The following ATP2B1 variants were observed in gnomAD, a reference collection of about 807,000 sequenced individuals.
ATP2B1 encodes the protein plasma membrane calcium-transporting ATPase 1.
A neutral mutation model predicts 124.2 loss-of-function variants in ATP2B1; 14 were observed. That is an observed-to-expected ratio of 0.11 (90% CI 0.07 to 0.18). The LOEUF (loss-of-function observed/expected upper bound fraction) is 0.18, where lower values mean the gene tolerates loss of function less well. Ranked by LOEUF, ATP2B1 falls within the 10% of genes least tolerant of loss-of-function variation. The pLI is 1.00. For missense variants in ATP2B1, 763 were observed against 1,466.1 expected (o/e 0.52, Z 7.83); for synonymous variants, 449 against 492.4 (o/e 0.91, Z 1.17).
chr12:89,658,643 G>GAGAGAGAGAGAGAGAGAGAGAT (rs1886294800), intron 1 of ATP2B1, among the ~76,000 whole-genome samples: 1 of 142,790 alleles, frequency 7.0e-6, no homozygotes, highest in East Asian at 1.9e-4. Flanking sequence ...GAGAGAGAGA[G>GAGAGAGAGAGAGAGAGAGAGAT]AGAGATAGAG....
At chr12:89,635,589 C>T (rs1360414879) in intron 3 of ATP2B1, among the ~76,000 whole-genome samples, 1 of 152,100 alleles carries the variant, frequency 6.6e-6, no homozygotes, top group East Asian at 1.9e-4. Context: ...ACCAGCTATT[C>T]CAGAGTTATT....
intron 5 of ATP2B1, among the ~76,000 whole-genome samples, chr12:89,633,479 GAT>G (rs1882215890): frequency 4.9e-5 from 1 of 20,456 alleles, no homozygotes; most frequent in African/African-American, 1.4e-4. Context: ...CACATCTCAA[GAT>G]TTTTTTTTTT....
intron 1 of ATP2B1, among the ~76,000 whole-genome samples, chr12:89,684,759 G>T (rs149573634): frequency 6.6e-6 from 1 of 152,034 alleles, no homozygotes; most frequent in Non-Finnish European, 1.5e-5. Context: ...ATTGGACAGC[G>T]GAGAGAAACT....
intron 8 of ATP2B1, among the ~76,000 whole-genome samples, chr12:89,625,931 C>T (rs1389808966): frequency 2.6e-5 from 4 of 152,194 alleles, no homozygotes; most frequent in African/African-American, 9.6e-5. Flanking sequence ...CGCTGGAGGT[C>T]ATGCTGTTTC....
chr12:89,620,963 C>T (rs1879860711), intron 10 of ATP2B1, among the ~76,000 whole-genome samples: 1 of 152,110 alleles, frequency 6.6e-6, no homozygotes, highest in Admixed American at 6.5e-5. Flanking sequence ...CCATAAATCA[C>T]TAGAAGAGAT....
intron 5 of ATP2B1, among the ~76,000 whole-genome samples, chr12:89,633,292 T>C (rs939436194): frequency 6.6e-6 from 1 of 151,924 alleles, no homozygotes; most frequent in African/African-American, 2.4e-5. Flanking sequence ...TGTTCTTTTT[T>C]CTTTTTTTTA....
At chr12:89,662,778 C>G (rs972252848) in intron 1 of ATP2B1, among the ~76,000 whole-genome samples, 1 of 151,928 alleles carries the variant, frequency 6.6e-6, no homozygotes, top group African/African-American at 2.4e-5. Context: ...TCCTACTCCC[C>G]TAAGTAACTT....
At chr12:89,627,396 CAAA>C (rs59737003) in intron 7 of ATP2B1, among the ~76,000 whole-genome samples, 5 of 91,266 alleles carry the variant, frequency 5.5e-5, no homozygotes, top group Non-Finnish European at 4.9e-5. Flanking sequence ...TTCCAAAATC[CAAA>C]AAAAAAAAAA....
At chr12:89,655,018 T>C (rs1476530341) in intron 2 of ATP2B1, among the ~76,000 whole-genome samples, 2 of 152,170 alleles carry the variant, frequency 1.3e-5, no homozygotes, top group East Asian at 3.8e-4. Context: ...AAGACCATAA[T>C]GCCAGAAAGT....
intron 5 of ATP2B1, among the ~76,000 whole-genome samples, chr12:89,631,996 G>C (rs1037116182): frequency 6.6e-6 from 1 of 152,128 alleles, no homozygotes; most frequent in African/African-American, 2.4e-5. Context: ...AGGATAAAGA[G>C]TATATTCTTC....
At chr12:89,679,311 T>A (rs935586984) in intron 1 of ATP2B1, among the ~76,000 whole-genome samples, 8 of 152,172 alleles carry the variant, frequency 5.3e-5, no homozygotes, top group African/African-American at 1.7e-4. Context: ...TCTGACCCTT[T>A]ACAAAAATAT....
chr12:89,591,332 A>T (rs781599299), intron 20 of ATP2B1, 37 bp from the exon 21 acceptor site: 1 of 1,523,452 alleles, frequency 6.6e-7, no homozygotes, highest in Non-Finnish European at 8.9e-7. Context: ...ATGTCAGTAC[A>T]CTATTAACAA....
chr12:89,652,546 A>G (rs912591062), intron 2 of ATP2B1, among the ~76,000 whole-genome samples: 1 of 152,230 alleles, frequency 6.6e-6, no homozygotes, highest in Non-Finnish European at 1.5e-5. Flanking sequence ...TATTCTAACG[A>G]AAGAGTACTT....
In ATP2B1 at chr12:89,603,199, A is replaced by C; in HGVS notation, c.2904T>G (p.Pro968=). 6.2e-7 allele frequency: 1 copy of C among 1,613,300 alleles called. No homozygotes were observed. The highest frequency in any genetic ancestry group is 8.5e-7 in the Non-Finnish European group (1 of 1,179,644). The change falls in exon 18 of 21, where the codon CCT becomes CCG. Residue 968 remains proline (P), a synonymous_variant. Coordinates refer to ENST00000428670, the MANE Select transcript of ATP2B1 (RefSeq NM_001366521.1). The surrounding 1 kb of genome is among the most constrained non-coding windows in gnomAD (Gnocchi z 4.3). ...SGRNAPLHAP[P]SEHYTIVFNT... ...TAAAAACAATAGTATAATGTTCTGA[A>C]GGAGGAGCATGCAAAGGAGCATTTC... is the stretch of plus-strand genomic sequence containing the variant.
chr12:89,670,136 G>A (rs936635842), intron 1 of ATP2B1, among the ~76,000 whole-genome samples: 14 of 152,228 alleles, frequency 9.2e-5, no homozygotes, highest in African/African-American at 3.4e-4. Context: ...TATTCAGGGG[G>A]AAAGCACAGA....
chr12:89,682,904 A>G (rs929129442), intron 1 of ATP2B1, among the ~76,000 whole-genome samples: 1 of 152,218 alleles, frequency 6.6e-6, no homozygotes, highest in Admixed American at 6.5e-5. Flanking sequence ...AGAAGTAACA[A>G]ATTTGGAGAA....
In ATP2B1 at chr12:89,590,224, CTAAT is replaced by C. The variant is rs1323549762; in HGVS notation, c.*756_*759del. 5 of 152,416 alleles carry C rather than the reference CTAAT, an allele frequency of 3.3e-5. No individual in the cohort carries two copies. Among genetic ancestry groups the C allele is most frequent in the Admixed American group, 1.3e-4 (2 of 15,238 alleles). The allele number at this position is 152,416 out of a possible 1,614,324, so 9.4% of individuals were successfully genotyped here. A position where few individuals can be genotyped will look rare whatever the true frequency, so the allele number is the denominator to read the frequency against. On this transcript the variant is annotated 3_prime_UTR_variant, in exon 21 of 21. Coordinates refer to ENST00000428670, the MANE Select transcript of ATP2B1 (RefSeq NM_001366521.1). ...TTAAGTAGTAAATGTATTTAAGAAA[CTAAT>C]TAGGACAGATGTCATAACTTCATTA...
Position 89,601,414 on chromosome 12 carries a change from C to T in ATP2B1, c.3080G>A (p.Gly1027Asp). The stretch of plus-strand genomic sequence containing the variant: ...TTCTGAACAACTGAAAGGTTTTCCA[C>T]CAAACTGCACAATTATTATCTGGAG... ...FVVQIIIVQFGGKPFSCSELS... is the reference protein window; with the variant it reads ...FVVQIIIVQFDGKPFSCSELS... Residue 1027 changes from glycine to aspartate, a missense_variant, in exon 19 of 21, where the codon GGT (glycine) becomes GAT (aspartate). Gly to Asp is a moderately conservative substitution (Grantham distance 94). Transcript: ENST00000428670. The T allele has an allele frequency of 6.4e-7, 1 of 1,559,284 alleles. No individual in the cohort carries two copies. Among genetic ancestry groups the T allele is most frequent in the Non-Finnish European group, 8.6e-7 (1 of 1,161,542 alleles).
intron 1 of ATP2B1, among the ~76,000 whole-genome samples, chr12:89,666,985 C>G (rs1313334836): frequency 2.0e-5 from 3 of 151,842 alleles, no homozygotes; most frequent in African/African-American, 7.3e-5. Flanking sequence ...AAAAAACAAA[C>G]AAACAAAAAC....
Sources: allele counts gnomAD v4.1 joint callset (sites outside exome capture counted in the v4.1 genomes callset), GRCh38; gene constraint gnomAD v4.1.1; non-coding constraint Gnocchi (gnomAD v3.1); transcripts MANE v1.5; gene names NCBI Gene and HGNC (gene_info 2026-07-23, HGNC 2026-07-21).